Variants in CTU2 observed in about 807,000 individuals in gnomAD.
The protein encoded by CTU2 is cytosolic thiouridylase subunit 2, also known as cytoplasmic tRNA 2-thiolation protein 2.
CTU2 carries 80 observed loss-of-function variants against 64.1 expected under a neutral mutation model. The observed-to-expected ratio is 1.25, with a 90% confidence interval of 1.04 to 1.50. CTU2 has a LOEUF of 1.50. CTU2 is among the 40% of genes most tolerant of loss of function. The pLI is 0.00. For synonymous variants in CTU2, 482 were observed against 285.3 expected (o/e 1.69, Z -6.95); for missense variants, 1,110 against 690.2 (o/e 1.61, Z -6.81).
chr16:88,709,720 C>T (rs1312637354), intron 2 of CTU2: 8 of 574,198 alleles, frequency 1.4e-5, no homozygotes, highest in East Asian at 2.9e-5. Context: ...TGTACCTGGT[C>T]GTGGGAGGGG....
At position 88,713,447 on chromosome 16, in the gene CTU2, G is replaced by A. The variant is rs769481947; in HGVS notation, c.873G>A (p.Thr291=). ...GAGGGGCCTTCCTGGCCTGGGATAC[G>A]GTAGGCAGGGGCCTGGGTGTTCAGG... ...LGRGAFLAWD[T]GFSDERHGDV... Residue 291 remains threonine, a splice_region_variant and synonymous_variant, in exon 8 of 15, where the codon ACG becomes ACA. Transcript: ENST00000453996. 1.0e-5 allele frequency: 16 copies of A among 1,575,520 alleles called. No individual in the cohort carries two copies. The highest frequency in any genetic ancestry group is 3.4e-4 in the Middle Eastern group (2 of 5,882).
At chr16:88,713,924 C>T in intron 9 of CTU2, 146 bp downstream of exon 9, 2 of 1,242,524 alleles carry the variant, frequency 1.6e-6, no homozygotes, top group Non-Finnish European at 2.3e-6. Context: ...CCTCTGAGCC[C>T]ACCCTGTGCC....
chr16:88,715,007 T>C, intron 13 of CTU2, 41 bp from the exon 14 acceptor site: 1 of 1,591,586 alleles, frequency 6.3e-7, no homozygotes, highest in Non-Finnish European at 8.6e-7. Flanking sequence ...GAGGGGGTGC[T>C]GGCAGGTTTC....
intron 4 of CTU2, chr16:88,710,859 G>T (rs1911265231): frequency 6.3e-6 from 1 of 158,078 alleles, no homozygotes; most frequent in Non-Finnish European, 1.4e-5. Context: ...GGAGGTGGAG[G>T]CGGGCTTAGG....
rs754595424 is a variant in CTU2, at chr16:88,710,265, G to A, written c.265G>A (p.Val89Ile). ...WSGGPSSSSM[V>I]WQVLEGLSQD... ...TGGGGGGCCTTCGTCCAGCTCCATG[G>A]TCTGGCAGGTTCTTGAGGTGCGTGT... Residue 89 changes from valine to isoleucine, a missense_variant, in exon 4 of 15, where the codon GTC (valine) becomes ATC (isoleucine). Physicochemically the swap from Val to Ile is conservative, Grantham distance 29. Coordinates refer to ENST00000453996, the MANE Select transcript of CTU2 (RefSeq NM_001012759.3). 1 of 1,614,044 alleles carries A rather than the reference G, an allele frequency of 6.2e-7. No homozygotes were observed. Among genetic ancestry groups the A allele is most frequent in the Admixed American group, 1.7e-5 (1 of 60,014 alleles).
chr16:88,709,780 C>A, intron 2 of CTU2, 158 bp from the exon 3 acceptor site: 1 of 694,524 alleles, frequency 1.4e-6, no homozygotes, highest in Non-Finnish European at 2.5e-6. Context: ...GAGGGGCCAA[C>A]CCCGCCCCTT....
chr16:88,710,593 G>C, intron 4 of CTU2: 1 of 398,754 alleles, frequency 2.5e-6, no homozygotes, highest in Non-Finnish European at 4.6e-6. Context: ...CAGAAGCTGG[G>C]TCCACAGTGC....
intron 2 of CTU2, chr16:88,709,624 C>T (rs1244955174): frequency 1.8e-5 from 7 of 389,706 alleles, no homozygotes; most frequent in African/African-American, 1.4e-4. Flanking sequence ...TCCACTCCAC[C>T]AGCTGGGCCC....
chr16:88,713,353 C>G lies in CTU2; in HGVS notation c.779C>G (p.Ser260Cys), dbSNP rs1314060785. ...ILHMARAHGY[S>C]KVMTGDSCTR... ...CACATGGCCCGAGCCCACGGCTACT[C>G]CAAGGTCATGACTGGGGACAGCTGC... Residue 260 changes from serine (S) to cysteine (C), a missense_variant, in exon 8 of 15, where the codon TCC becomes TGC. Ser to Cys is a moderately radical substitution (Grantham distance 112). Coordinates refer to ENST00000453996, the MANE Select transcript of CTU2 (RefSeq NM_001012759.3). The G allele has an allele frequency of 9.4e-6, 15 of 1,601,772 alleles. No individual in the cohort carries two copies. Among genetic ancestry groups the G allele is most frequent in the Middle Eastern group, 1.7e-4 (1 of 6,058 alleles).
At chr16:88,709,903 G>GCAGGCGGTT (rs1567646580) in intron 2 of CTU2, 35 bp from the exon 3 acceptor site, 10 of 1,594,858 alleles carry the variant, frequency 6.3e-6, no homozygotes, top group Admixed American at 1.7e-5. Flanking sequence ...TGTGCGGGTA[G>GCAGGCGGTT]CAGGCGGTTC....
intron 2 of CTU2, among the ~76,000 whole-genome samples, chr16:88,707,446 C>T (rs1030614695): frequency 1.3e-5 from 2 of 152,136 alleles, no homozygotes; most frequent in Non-Finnish European, 2.9e-5. Context: ...TCTGATGGAA[C>T]TTATGGGGAC....
Position 88,711,644 on chromosome 16 carries a change from C to T in CTU2, c.292C>T (p.Gln98Ter), listed in dbSNP as rs751016130. 1.2e-6 allele frequency: 2 copies of T among 1,605,760 alleles called. No homozygotes were observed. The highest frequency in any genetic ancestry group is 1.7e-6 in the Non-Finnish European group (2 of 1,174,720). The change falls in exon 5 of 15, where the codon CAA (glutamine) becomes TAA (stop). Residue 98 changes from glutamine (Q) to a stop codon, truncating the protein, a stop_gained. Transcript: ENST00000453996. LOFTEE classifies it high-confidence loss of function. ...CTGCTTCTCCCTCTAGGGCCTGAGC[C>T]AAGATTCTGCCAAAAGACTGCGCTT... ...MVWQVLEGLSQDSAKRLRFVA... is the reference protein window; with the variant it reads ...MVWQVLEGLS
Position 88,714,363 on chromosome 16 carries a change from C to G in CTU2, c.1098-20C>G, listed in dbSNP as rs746802588. On this transcript the variant is annotated intron_variant, in intron 10 of 14. Transcript: ENST00000453996. Reference sequence around the variant, plus strand: ...CCCAGCCCGTGTGATTCACCTGCTCCTCCCACAATCCGGCCACAGGACAAG... The same window carrying G: ...CCCAGCCCGTGTGATTCACCTGCTCGTCCCACAATCCGGCCACAGGACAAG... The G allele has an allele frequency of 6.2e-7, 1 of 1,611,654 alleles. No homozygotes were observed. Among genetic ancestry groups the G allele is most frequent in the African/African-American group, 1.3e-5 (1 of 74,930 alleles).
rs750272877 is a variant in CTU2, at chr16:88,713,667, C to T, written c.894C>T (p.His298=). The T allele has an allele frequency of 3.2e-5, 52 of 1,612,498 alleles. No individual in the cohort carries two copies. Among genetic ancestry groups the T allele is most frequent in the African/African-American group, 1.9e-4 (14 of 75,038 alleles). ...CGCAGGGCTTCTCGGATGAGCGGCA[C>T]GGGGACGTGGTGGTGGTGCGGCCCA... ...AWDTGFSDER[H]GDVVVVRPMR... is the part of the protein sequence containing the mutation. The change falls in exon 9 of 15, where the codon CAC becomes CAT. Residue 298 remains histidine, a synonymous_variant. Transcript: ENST00000453996.
At chr16:88,709,822 A>G (rs1393997680) in intron 2 of CTU2, 116 bp from the exon 3 acceptor site, 1 of 877,550 alleles carries the variant, frequency 1.1e-6, no homozygotes, top group Non-Finnish European at 1.9e-6. Context: ...CTGGATGTGA[A>G]GATGCTGCTT....
chr16:88,713,584 A>C, intron 8 of CTU2, 63 bp from the exon 9 acceptor site: 1 of 1,580,220 alleles, frequency 6.3e-7, no homozygotes, highest in Non-Finnish European at 8.6e-7. Flanking sequence ...CCTACCTGGC[A>C]GGGGAGGAGG....
At chr16:88,710,720 A>G (rs1034094162) in intron 4 of CTU2, 2 of 174,994 alleles carry the variant, frequency 1.1e-5, no homozygotes, top group African/African-American at 2.4e-5. Flanking sequence ...CTGCGTAGAA[A>G]CACAGTCAGT....
chr16:88,712,032 G>A (rs1317752798), intron 5 of CTU2: 2 of 650,494 alleles, frequency 3.1e-6, no homozygotes, highest in African/African-American at 1.8e-5. Flanking sequence ...GGGGCCCAGG[G>A]GCCGACTCCC....
intron 10 of CTU2, 45 bp from the exon 11 acceptor site, chr16:88,714,338 C>G: frequency 3.1e-6 from 5 of 1,608,198 alleles, no homozygotes; most frequent in Non-Finnish European, 4.2e-6. Context: ...AGGGTGGAGC[C>G]CCAGCCCGTG....
Sources: allele counts gnomAD v4.1 joint callset (sites outside exome capture counted in the v4.1 genomes callset), GRCh38; gene constraint gnomAD v4.1.1; transcripts MANE v1.5; gene names NCBI Gene and HGNC (gene_info 2026-07-23, HGNC 2026-07-21).